The following KRCC1 variants were observed in gnomAD, a reference collection of about 807,000 sequenced individuals.
The protein encoded by KRCC1 is lysine-rich coiled-coil protein 1.
A neutral mutation model predicts 7.4 loss-of-function variants in KRCC1; 3 were observed. That is an observed-to-expected ratio of 0.40 (90% CI 0.18 to 1.04). The LOEUF is 1.04. Among genes scored for constraint, KRCC1 ranks in the 50% least tolerant of loss-of-function variants. The probability of loss-of-function intolerance (pLI) is 0.33; values close to 1 mark genes in which losing one functional copy is unlikely to be tolerated. For synonymous variants in KRCC1, 102 were observed against 101.6 expected, an observed-to-expected ratio of 1.00 and a Z score of -0.02; for missense variants, 277 against 300.9, an observed-to-expected ratio of 0.92 and a Z score of 0.59.
chr2:88,041,248 G>T (rs1350651725), intron 1 of KRCC1, among the ~76,000 whole-genome samples: 1 of 152,158 alleles, frequency 6.6e-6, no homozygotes, highest in Non-Finnish European at 1.5e-5. Context: ...ACGGGAGAGT[G>T]GGGGCAGAGA....
Position 88,052,616 on chromosome 2 carries a change from C to G in KRCC1, c.-291+3010G>C, listed in dbSNP as rs576923879. On this transcript the variant is annotated intron_variant, in intron 1 of 3. Transcript: ENST00000347055. ...TGAGTGACCCATTATAGTTTTTGAT[C>G]TATCTCATCAAAAGACTTGTCACAG... Among the ~76,000 whole-genome samples, 8 of 152,288 alleles carry G rather than the reference C, an allele frequency of 5.3e-5. No homozygotes were observed. The Middle Eastern group carries it at 0.01, about 194-fold the overall frequency.
chr2:88,035,725 T>G (rs1206170519), intron 2 of KRCC1, among the ~76,000 whole-genome samples: 1 of 152,206 alleles, frequency 6.6e-6, no homozygotes, highest in African/African-American at 2.4e-5. Context: ...GTATATTTTC[T>G]GTATTTTTCT....
At chr2:88,052,759 C>G (rs1414696406) in intron 1 of KRCC1, among the ~76,000 whole-genome samples, 1 of 152,306 alleles carries the variant, frequency 6.6e-6, no homozygotes, top group East Asian at 1.9e-4. Context: ...CTGCTCATAA[C>G]TGTTACATGC....
chr2:88,050,734 G>A (rs550009882), intron 1 of KRCC1, among the ~76,000 whole-genome samples: 3 of 152,284 alleles, frequency 2.0e-5, no homozygotes, highest in African/African-American at 7.2e-5. Flanking sequence ...TTTTTTAACT[G>A]TCAAAAGTGT....
intron 1 of KRCC1, among the ~76,000 whole-genome samples, chr2:88,040,223 C>T (rs6547746): frequency 0.9 from 137,461 of 151,944 alleles, 62,547 homozygotes; most frequent in East Asian, 1. Flanking sequence ...TTTAATTCCT[C>T]TGCCAACTAA....
chr2:88,053,470 G>A (rs964527354), intron 1 of KRCC1, among the ~76,000 whole-genome samples: 3 of 152,176 alleles, frequency 2.0e-5, no homozygotes, highest in South Asian at 2.1e-4. Flanking sequence ...CTGGCCATGT[G>A]AGCCAAACTG....
intron 3 of KRCC1, among the ~76,000 whole-genome samples, chr2:88,033,769 G>T (rs1241585117): frequency 6.6e-6 from 1 of 152,144 alleles, no homozygotes; most frequent in Non-Finnish European, 1.5e-5. Flanking sequence ...ATGTAAAATG[G>T]TGCACCTACT....
chr2:88,032,004 G>A (rs1483910491), intron 3 of KRCC1, among the ~76,000 whole-genome samples: 2 of 151,780 alleles, frequency 1.3e-5, no homozygotes, highest in Non-Finnish European at 2.9e-5. Context: ...TTAGCTGGGT[G>A]TGGTGTGGGC....
chr2:88,028,504 T>G lies in KRCC1; in HGVS notation c.60A>C (p.Lys20Asn). 6.2e-7 allele frequency: 1 copy of G among 1,613,466 alleles called. No individual in the cohort carries two copies. Among genetic ancestry groups the G allele is most frequent in the East Asian group, 2.2e-5 (1 of 44,868 alleles). ...GCTCTAAGCCTCTGGCTTTCTGTAC[T>G]TTAATATAATCTTCAAGTTCATCTT... ...SFQDELEDYI[K>N]VQKARGLEPK... The change falls in exon 4 of 4, where the codon AAA (lysine) becomes AAC (asparagine). Residue 20 changes from lysine to asparagine, a missense_variant. Coordinates refer to ENST00000347055, the MANE Select transcript of KRCC1 (RefSeq NM_016618.3).
At chr2:88,029,205 C>A (rs1672945250) in intron 3 of KRCC1, among the ~76,000 whole-genome samples, 1 of 152,160 alleles carries the variant, frequency 6.6e-6, no homozygotes, top group Non-Finnish European at 1.5e-5. Context: ...ATAGGAACCA[C>A]ACAACCACGG....
chr2:88,041,957 C>T (rs1673220158), intron 1 of KRCC1, among the ~76,000 whole-genome samples: 1 of 151,980 alleles, frequency 6.6e-6, no homozygotes, highest in African/African-American at 2.4e-5. Context: ...CTCTCCCCCC[C>T]GATATTGGCT....
At chr2:88,050,809 T>A (rs1673460868) in intron 1 of KRCC1, among the ~76,000 whole-genome samples, 1 of 152,164 alleles carries the variant, frequency 6.6e-6, no homozygotes, top group Non-Finnish European at 1.5e-5. Flanking sequence ...AATAATAAAT[T>A]CTAAGTATGT....
chr2:88,044,146 G>C (rs963413929), intron 1 of KRCC1, among the ~76,000 whole-genome samples: 2 of 152,216 alleles, frequency 1.3e-5, no homozygotes, highest in African/African-American at 2.4e-5. Flanking sequence ...CTTGTGGCAT[G>C]CTGCCTTCCT....
intron 1 of KRCC1, among the ~76,000 whole-genome samples, chr2:88,050,001 C>T (rs1428500771): frequency 1.3e-5 from 2 of 152,172 alleles, no homozygotes; most frequent in African/African-American, 4.8e-5. Context: ...ACATTTTCTC[C>T]AATTGCTCTT....
intron 1 of KRCC1, among the ~76,000 whole-genome samples, chr2:88,045,759 C>A (rs113971131): frequency 6.6e-6 from 1 of 151,994 alleles, no homozygotes; most frequent in Admixed American, 6.6e-5. Flanking sequence ...TCTTGGCTCA[C>A]CGCAACCTCT....
rs753652570 is a variant in KRCC1 at position 88,028,385 on chromosome 2, T to C, written c.179A>G (p.Asp60Gly). Residue 60 changes from aspartate (D) to glycine (G), a missense_variant, in exon 4 of 4, where the codon GAC becomes GGC. Transcript: ENST00000347055. ...VNSRPTYRMF[D>G]QRLPSETIQT... is the part of the protein sequence containing the mutation. The stretch of plus-strand genomic sequence containing the variant: ...GATGGTTTCAGATGGGAGTCTCTGG[T>C]CAAACATTCTATACGTGGGTCTGGA... 6.2e-7 allele frequency: 1 copy of C among 1,614,034 alleles called. No individual in the cohort carries two copies. Among genetic ancestry groups the C allele is most frequent in the African/African-American group, 1.3e-5 (1 of 74,910 alleles).
At chr2:88,031,549 G>C (rs2104604714) in intron 3 of KRCC1, among the ~76,000 whole-genome samples, 1 of 152,172 alleles carries the variant, frequency 6.6e-6, no homozygotes, top group South Asian at 2.1e-4. Context: ...CTGAACCTAG[G>C]AGGCAGAGGT....
intron 1 of KRCC1, among the ~76,000 whole-genome samples, chr2:88,041,064 T>C (rs899659369): frequency 3.3e-5 from 5 of 152,080 alleles, no homozygotes; most frequent in Non-Finnish European, 7.4e-5. Context: ...CTGCAGTCAA[T>C]AGGGGAAGAA....
chr2:88,048,709 G>T (rs2104625572), intron 1 of KRCC1, among the ~76,000 whole-genome samples: 1 of 152,296 alleles, frequency 6.6e-6, no homozygotes, highest in Middle Eastern at 3.4e-3. Context: ...AGGCGCTCTA[G>T]TACAATAATG....
Sources: gnomAD v4.1 joint callset for allele counts (sites outside exome capture counted in the v4.1 genomes callset) on GRCh38, gnomAD v4.1.1 for gene constraint, MANE v1.5 for transcripts, NCBI Gene and HGNC (gene_info 2026-07-23, HGNC 2026-07-21) for gene names.